Variants in SMCO4 observed in about 807,000 individuals in gnomAD.
The protein encoded by SMCO4 is single-pass membrane and coiled-coil domain-containing protein 4.
Under a neutral mutation model 3.6 loss-of-function variants are expected in SMCO4, and 4 were observed. The ratio of observed to expected loss-of-function variants is 1.11; its 90% CI spans 0.54 to 2.53. The LOEUF is 2.53. SMCO4 is among the 30% of genes most tolerant of loss of function. The pLI is 0.02. For synonymous variants in SMCO4, 36 were observed against 35.3 expected (o/e 1.02, Z -0.07); for missense variants, 70 against 80.8 (o/e 0.87, Z 0.51).
At chr11:93,522,570 C>T (rs1321083559) in intron 1 of SMCO4, among the ~76,000 whole-genome samples, 1 of 152,210 alleles carries the variant, frequency 6.6e-6, no homozygotes, top group African/African-American at 2.4e-5. Context: ...CATGGAAGTA[C>T]AATAAATAAG....
At chr11:93,502,185 T>A (rs1320195100) in intron 1 of SMCO4, among the ~76,000 whole-genome samples, 1 of 152,204 alleles carries the variant, frequency 6.6e-6, no homozygotes, top group Non-Finnish European at 1.5e-5. Context: ...TAATCTGTTT[T>A]CTGTTCAAAT....
At chr11:93,513,706 G>T (rs1948979302) in intron 1 of SMCO4, among the ~76,000 whole-genome samples, 1 of 152,182 alleles carries the variant, frequency 6.6e-6, no homozygotes, top group African/African-American at 2.4e-5. Context: ...GATTTGGGTG[G>T]AGGTGACAAA....
chr11:93,483,129 G>A (rs1159391309), intron 2 of SMCO4, among the ~76,000 whole-genome samples: 1 of 152,148 alleles, frequency 6.6e-6, no homozygotes, highest in Non-Finnish European at 1.5e-5. Flanking sequence ...GTGAGGGTTG[G>A]GGGACTAAAG....
intron 1 of SMCO4, among the ~76,000 whole-genome samples, chr11:93,506,881 G>A (rs182511015): frequency 2.6e-5 from 4 of 152,312 alleles, no homozygotes; most frequent in South Asian, 2.1e-4. Context: ...GCCAGAGTGC[G>A]GTGGTTGTCT....
upstream of SMCO4, among the ~76,000 whole-genome samples, chr11:93,545,404 A>G (rs150971371): frequency 5.4e-3 from 819 of 151,960 alleles, 5 homozygotes; most frequent in Admixed American, 0.011. Flanking sequence ...CCTGGCCAAC[A>G]CGATGAACCC....
rs1948551622 is a variant in SMCO4, at chr11:93,478,834, A to G, written c.*176T>C. The G allele has an allele frequency of 7.0e-7, 1 of 1,419,768 alleles. No homozygotes were observed. Among genetic ancestry groups the G allele is most frequent in the Admixed American group, 2.9e-5 (1 of 34,780 alleles). 87.9% of individuals were successfully genotyped at this position (1,419,768 alleles called of 1,614,324 possible). ...CACATTCACTGATAAAACATCCCCT[A>G]TTCCCTCCCAAGAAAGCGGAGATAC... is the stretch of plus-strand genomic sequence containing the variant. On this transcript the variant is annotated 3_prime_UTR_variant, in exon 3 of 3. Coordinates refer to ENST00000298966, the MANE Select transcript of SMCO4 (RefSeq NM_020179.3).
intron 1 of SMCO4, among the ~76,000 whole-genome samples, chr11:93,539,656 C>T (rs1347662858): frequency 1.3e-5 from 2 of 152,204 alleles, no homozygotes; most frequent in Non-Finnish European, 2.9e-5. Context: ...AATTTAATTT[C>T]CTTTCAGCAT....
intron 1 of SMCO4, among the ~76,000 whole-genome samples, chr11:93,514,069 G>T (rs1006627609): frequency 1.3e-5 from 2 of 151,980 alleles, no homozygotes; most frequent in East Asian, 1.9e-4. Flanking sequence ...GCTGCCTGTC[G>T]TAGGTGCTCA....
At chr11:93,512,754 ATG>A in intron 1 of SMCO4, among the ~76,000 whole-genome samples, 1 of 152,116 alleles carries the variant, frequency 6.6e-6, no homozygotes, top group Non-Finnish European at 1.5e-5. Context: ...CTGCCTAATG[ATG>A]CATTTCTCAG....
At position 93,534,375 on chromosome 11, in the gene SMCO4, T is replaced by TATATAGAGAG. The variant is rs369643237; in HGVS notation, c.-154+8900_-154+8901insCTCTCTATAT. 1.9e-3 allele frequency among the ~76,000 whole-genome samples: 266 copies of TATATAGAGAG among 142,140 alleles called. 1 individual carries two copies. Among genetic ancestry groups the TATATAGAGAG allele is most frequent in the Middle Eastern group, 3.6e-3 (1 of 278 alleles). The allele number at this position is 142,140 out of a possible 152,430, so 93.2% of individuals were successfully genotyped here. A position where few individuals can be genotyped will look rare whatever the true frequency, so the allele number is the denominator to read the frequency against. On this transcript the variant is annotated intron_variant, in intron 1 of 2. Transcript: ENST00000298966. ...ACACATACATATATATATATATATA[T>TATATAGAGAG]AGAGAGAGAGAGAGAGAGAGATACA...
the SMCO4 span, among the ~76,000 whole-genome samples, chr11:93,553,616 AC>A: frequency 5.3e-5 from 8 of 152,350 alleles, no homozygotes; most frequent in East Asian, 1.5e-3. Flanking sequence ...GTGTTAGTAG[AC>A]CCAAGCTAGA....
chr11:93,543,897 C>G (rs1280661949), upstream of SMCO4, among the ~76,000 whole-genome samples: 5 of 152,210 alleles, frequency 3.3e-5, no homozygotes, highest in African/African-American at 9.7e-5. Flanking sequence ...AAACCTCAAG[C>G]GGACAGAGAT....
In SMCO4 at chr11:93,514,419, T is replaced by TATATATATATATATATAA. The variant is rs1555077574; in HGVS notation, c.-153-15072_-153-15071insTTATATATATATATATAT. ...ATATATATATATATATATATATATA[T>TATATATATATATATATAA]ATAAAATTTGGTCTCTTCCAAAGAT... On this transcript the variant is annotated intron_variant, in intron 1 of 2. Transcript: ENST00000298966. Among the ~76,000 whole-genome samples, 8 of 42,530 alleles carry TATATATATATATATATAA rather than the reference T, an allele frequency of 1.9e-4. 1 individual carries two copies. Among genetic ancestry groups the TATATATATATATATATAA allele is most frequent in the African/African-American group, 5.9e-4 (8 of 13,604 alleles). The allele number at this position is 42,530 out of a possible 152,430, so 27.9% of individuals were successfully genotyped here.
At chr11:93,498,737 G>A (rs2605613) in intron 2 of SMCO4, among the ~76,000 whole-genome samples, 25,277 of 152,212 alleles carry the variant, frequency 0.17, 2,932 homozygotes, top group East Asian at 0.38. Context: ...ATGATTCCTA[G>A]TACAGGCCCA....
intron 1 of SMCO4, among the ~76,000 whole-genome samples, chr11:93,531,259 T>C (rs1360365331): frequency 1.3e-5 from 2 of 152,326 alleles, no homozygotes; most frequent in African/African-American, 2.4e-5. Context: ...AGCTGGGACA[T>C]TGGTCTTTTC....
In SMCO4 at chr11:93,519,861, T is replaced by C. The variant is rs545122468; in HGVS notation, c.-153-20513A>G. Among the ~76,000 whole-genome samples the C allele has an allele frequency of 2.0e-5, 3 of 152,310 alleles. No homozygotes were observed. The South Asian group carries it at 6.2e-4, about 32-fold the overall frequency. On this transcript the variant is annotated intron_variant, in intron 1 of 2. Coordinates refer to ENST00000298966, the MANE Select transcript of SMCO4 (RefSeq NM_020179.3). ...CCTTACTTGTAATATCCCCTATGTG[T>C]GAGGCTCTCCCAAGCTAAGACTTAA...
In SMCO4 at chr11:93,539,882, A is replaced by G. The variant is rs113862327; in HGVS notation, c.-154+3394T>C. On this transcript the variant is annotated intron_variant, in intron 1 of 2. Coordinates refer to ENST00000298966, the MANE Select transcript of SMCO4 (RefSeq NM_020179.3). ...CTCCTCTCTCTAGCTGCCCTATACT[A>G]TAGGCTCTTCCAGGGCCCCCTTCCA... 1.6e-3 allele frequency among the ~76,000 whole-genome samples: 237 copies of G among 151,790 alleles called. 1 individual carries two copies. Among genetic ancestry groups the G allele is most frequent in the African/African-American group, 5.5e-3 (229 of 41,346 alleles).
intron 2 of SMCO4, among the ~76,000 whole-genome samples, chr11:93,483,106 G>T (rs75853242): frequency 6.6e-6 from 1 of 152,292 alleles, no homozygotes; most frequent in East Asian, 1.9e-4. Flanking sequence ...GGGGCGAGGG[G>T]TGGCTCCGTA....
intron 2 of SMCO4, among the ~76,000 whole-genome samples, chr11:93,485,463 G>C (rs887373214): frequency 3.9e-5 from 6 of 152,198 alleles, no homozygotes; most frequent in Non-Finnish European, 8.8e-5. Flanking sequence ...CTCATCTTTG[G>C]ACAACCATCA....
Sources: allele counts gnomAD v4.1 joint callset (sites outside exome capture counted in the v4.1 genomes callset), GRCh38; gene constraint gnomAD v4.1.1; transcripts MANE v1.5; gene names NCBI Gene and HGNC (gene_info 2026-07-23, HGNC 2026-07-21).